Variants in TECRL observed in about 807,000 individuals in gnomAD.
TECRL encodes the protein trans-2,3-enoyl-CoA reductase like.
TECRL carries 63 observed loss-of-function variants against 52.8 expected under a neutral mutation model. That is an observed-to-expected ratio of 1.19 (90% CI 0.97 to 1.47). The LOEUF is 1.47. Among genes scored for constraint, TECRL ranks in the 40% most tolerant of loss-of-function variants. TECRL has a pLI of 0.00. For synonymous variants in TECRL, 164 were observed against 141.9 expected (o/e 1.16, Z -1.10); for missense variants, 482 against 429.6 (o/e 1.12, Z -1.08).
At chr4:64,311,481 T>C (rs1219017127) in intron 5 of TECRL, among the ~76,000 whole-genome samples, 1 of 152,204 alleles carries the variant, frequency 6.6e-6, no homozygotes, top group African/African-American at 2.4e-5. Flanking sequence ...TGTTCTTTTG[T>C]AGATGTAGTT....
chr4:64,344,037 C>G (rs1719772265), intron 2 of TECRL, among the ~76,000 whole-genome samples: 1 of 151,938 alleles, frequency 6.6e-6, no homozygotes, highest in South Asian at 2.1e-4. Context: ...GTATAAATAT[C>G]TGTGAAATGT....
intron 1 of TECRL, among the ~76,000 whole-genome samples, chr4:64,395,772 C>A (rs1259374557): frequency 2.0e-5 from 3 of 151,976 alleles, no homozygotes; most frequent in African/African-American, 7.3e-5. Context: ...ATGAAACAAC[C>A]CAGGTAATAA....
intron 1 of TECRL, among the ~76,000 whole-genome samples, chr4:64,404,479 C>T (rs1264499514): frequency 6.6e-6 from 1 of 151,984 alleles, no homozygotes; most frequent in African/African-American, 2.4e-5. Flanking sequence ...ATTTTTCCTA[C>T]AATCTCTTAT....
At chr4:64,401,157 A>T (rs1013074544) in intron 1 of TECRL, among the ~76,000 whole-genome samples, 3 of 152,158 alleles carry the variant, frequency 2.0e-5, no homozygotes, top group Non-Finnish European at 4.4e-5. Context: ...GACAGATTTA[A>T]TTTCTGAAAG....
chr4:64,327,529 A>G (rs1718344347), intron 3 of TECRL, among the ~76,000 whole-genome samples: 1 of 152,120 alleles, frequency 6.6e-6, no homozygotes, highest in South Asian at 2.1e-4. Flanking sequence ...AGGCAAAAGT[A>G]GATGAGACAA....
At chr4:64,360,867 C>T (rs1327203151) in intron 2 of TECRL, among the ~76,000 whole-genome samples, 4 of 152,082 alleles carry the variant, frequency 2.6e-5, no homozygotes, top group Non-Finnish European at 4.4e-5. Flanking sequence ...ATAGAACTTC[C>T]TGGGGAATTG....
At chr4:64,320,537 T>C (rs1205518857) in intron 4 of TECRL, among the ~76,000 whole-genome samples, 2 of 152,020 alleles carry the variant, frequency 1.3e-5, no homozygotes, top group African/African-American at 4.8e-5. Flanking sequence ...CTTTGTCACA[T>C]AGATGATTTT....
At chr4:64,331,983 A>G (rs1229157339) in intron 2 of TECRL, among the ~76,000 whole-genome samples, 1 of 152,176 alleles carries the variant, frequency 6.6e-6, no homozygotes, top group Non-Finnish European at 1.5e-5. Context: ...TCCTGCTGAG[A>G]ACAACTGAAA....
intron 1 of TECRL, among the ~76,000 whole-genome samples, chr4:64,400,651 T>C (rs1023936340): frequency 1.3e-5 from 2 of 152,134 alleles, no homozygotes; most frequent in African/African-American, 4.8e-5. Context: ...TACCATTCTC[T>C]TGGCACTGTC....
At chr4:64,307,331 G>A (rs550039141) in intron 6 of TECRL, among the ~76,000 whole-genome samples, 1 of 152,244 alleles carries the variant, frequency 6.6e-6, no homozygotes, top group African/African-American at 2.4e-5. Flanking sequence ...GGACCCCAAA[G>A]GTGGTCAACA....
At chr4:64,384,548 G>A (rs987868917) in intron 1 of TECRL, among the ~76,000 whole-genome samples, 1 of 152,152 alleles carries the variant, frequency 6.6e-6, no homozygotes, top group Non-Finnish European at 1.5e-5. Context: ...TCATCAGTAG[G>A]CTAAGGTCCC....
intron 2 of TECRL, among the ~76,000 whole-genome samples, chr4:64,338,590 AAAAC>A (rs1399278742): frequency 2.0e-5 from 3 of 152,216 alleles, no homozygotes; most frequent in African/African-American, 4.8e-5. Context: ...TTACATGAAA[AAAAC>A]AAACAACCCC....
intron 7 of TECRL, among the ~76,000 whole-genome samples, chr4:64,303,265 C>G (rs1272646732): frequency 6.6e-6 from 1 of 151,218 alleles, no homozygotes; most frequent in Non-Finnish European, 1.5e-5. Context: ...ATGGCATAAG[C>G]ATGGAACAAA....
At chr4:64,399,898 C>T (rs148126869) in intron 1 of TECRL, among the ~76,000 whole-genome samples, 211 of 152,220 alleles carry the variant, frequency 1.4e-3, no homozygotes, top group Non-Finnish European at 2.1e-3. Flanking sequence ...CTACTAGGGC[C>T]GTGCAGAGTG....
chr4:64,388,143 T>C (rs1723303015), intron 1 of TECRL, among the ~76,000 whole-genome samples: 1 of 151,658 alleles, frequency 6.6e-6, no homozygotes, highest in Non-Finnish European at 1.5e-5. Context: ...AGTTTTAGTG[T>C]AGTTTATAGT....
intron 2 of TECRL, among the ~76,000 whole-genome samples, chr4:64,361,674 C>A (rs1053469401): frequency 2.6e-5 from 4 of 151,810 alleles, no homozygotes. Context: ...CATAGCCAAA[C>A]CCTCAAGGTC....
At position 64,371,358 on chromosome 4, in the gene TECRL, A is replaced by G. The variant is rs564420869; in HGVS notation, c.286+3814T>C. On this transcript the variant is annotated intron_variant, in intron 2 of 11. Coordinates refer to ENST00000381210, the MANE Select transcript of TECRL (RefSeq NM_001010874.5). ...TCACAATTACAATTAATTACATTTA[A>G]TCAAAACCAAATAATTATAATAAAC... Among the ~76,000 whole-genome samples, 17 of 151,096 alleles carry G rather than the reference A, an allele frequency of 1.1e-4. No individual in the cohort carries two copies. The South Asian group carries it at 3.1e-3, about 28-fold the overall frequency.
chr4:64,281,849 AAATT>A (rs1211004933), intron 9 of TECRL, among the ~76,000 whole-genome samples: 21 of 151,846 alleles, frequency 1.4e-4, no homozygotes, highest in African/African-American at 5.1e-4. Context: ...AAATATATAT[AAATT>A]ATTTTTACAT....
chr4:64,315,709 T>C (rs528328370), intron 4 of TECRL, among the ~76,000 whole-genome samples: 10 of 152,190 alleles, frequency 6.6e-5, no homozygotes, highest in African/African-American at 2.4e-4. Context: ...TTGAGAAGAT[T>C]GTTAGAATGA....
Sources: gnomAD v4.1 joint callset for allele counts (sites outside exome capture counted in the v4.1 genomes callset) on GRCh38, gnomAD v4.1.1 for gene constraint, MANE v1.5 for transcripts, NCBI Gene and HGNC (gene_info 2026-07-23, HGNC 2026-07-21) for gene names.